The following VPS35L variants were observed in gnomAD, a reference collection of about 807,000 sequenced individuals.
The protein encoded by VPS35L is VPS35 endosomal protein sorting factor like, also known as VPS35 endosomal protein-sorting factor-like.
VPS35L carries 83 observed loss-of-function variants against 133.0 expected under a neutral mutation model. The ratio of observed to expected loss-of-function variants is 0.62; its 90% confidence interval spans 0.52 to 0.75. VPS35L has a LOEUF of 0.75. Among genes scored for constraint, VPS35L ranks in the 30% least tolerant of loss-of-function variants. The pLI is 0.00. For missense variants in VPS35L, 1,083 were observed against 1,206.8 expected (o/e 0.90, Z 1.52); for synonymous variants, 423 against 449.9 (o/e 0.94, Z 0.76).
At chr16:19,656,731 T>A (rs928390811) in intron 26 of VPS35L, among the ~76,000 whole-genome samples, 8 of 152,030 alleles carry the variant, frequency 5.3e-5, no homozygotes, top group African/African-American at 1.9e-4. Flanking sequence ...TCTCAAATGA[T>A]GAAAGTATGC....
intron 6 of VPS35L, among the ~76,000 whole-genome samples, chr16:19,581,003 T>G (rs1325016920): frequency 6.6e-6 from 1 of 152,132 alleles, no homozygotes; most frequent in East Asian, 1.9e-4. Context: ...CCCATAGAAT[T>G]GTGTTTTCTC....
chr16:19,608,360 C>A (rs1972602340), intron 10 of VPS35L, 86 bp downstream of exon 10: 2 of 1,012,448 alleles, frequency 2.0e-6, no homozygotes, highest in Non-Finnish European at 3.0e-6. Flanking sequence ...TGATGGGATG[C>A]CCTGACATTC....
chr16:19,643,976 A>G (rs1220492889), intron 22 of VPS35L, among the ~76,000 whole-genome samples: 1 of 152,098 alleles, frequency 6.6e-6, no homozygotes, highest in East Asian at 1.9e-4. Context: ...AAACAAAAAC[A>G]AAAAAGAACG....
At chr16:19,603,827 G>A (rs1307787468) in intron 9 of VPS35L, among the ~76,000 whole-genome samples, 1 of 152,192 alleles carries the variant, frequency 6.6e-6, no homozygotes, top group Admixed American at 6.5e-5. Context: ...CGCCTCCTGG[G>A]TTCAAGCGAT....
At chr16:19,665,885 C>T (rs923992738) in intron 26 of VPS35L, among the ~76,000 whole-genome samples, 8 of 151,984 alleles carry the variant, frequency 5.3e-5, no homozygotes, top group African/African-American at 1.9e-4. Flanking sequence ...AACTGGGGTT[C>T]GATGATATCT....
intron 24 of VPS35L, among the ~76,000 whole-genome samples, chr16:19,649,113 C>T (rs1974046359): frequency 6.6e-6 from 1 of 152,006 alleles, no homozygotes; most frequent in African/African-American, 2.4e-5. Context: ...CTCAGCCTCC[C>T]GAGTAGCTAT....
intron 7 of VPS35L, chr16:19,581,962 T>A: frequency 3.6e-6 from 1 of 278,726 alleles, no homozygotes; most frequent in Non-Finnish European, 6.7e-6. Context: ...GTGCAACCCC[T>A]GACACATTTA....
intron 24 of VPS35L, among the ~76,000 whole-genome samples, chr16:19,648,420 A>G (rs1476215273): frequency 6.6e-6 from 1 of 152,184 alleles, no homozygotes; most frequent in African/African-American, 2.4e-5. Flanking sequence ...AACAGAGGTA[A>G]GTGATTTACA....
At chr16:19,659,827 G>A (rs1974421046) in intron 26 of VPS35L, among the ~76,000 whole-genome samples, 1 of 152,188 alleles carries the variant, frequency 6.6e-6, no homozygotes, top group Non-Finnish European at 1.5e-5. Flanking sequence ...TGCATTTTAT[G>A]TGGTAGTTTC....
chr16:19,624,682 G>C (rs1973205419), intron 14 of VPS35L, among the ~76,000 whole-genome samples: 1 of 152,136 alleles, frequency 6.6e-6, no homozygotes, highest in African/African-American at 2.4e-5. Flanking sequence ...CTGGGCTCAA[G>C]CGAGCTTCCC....
In VPS35L at chr16:19,626,202, G is replaced by A. The variant is rs780826333; in HGVS notation, c.1250G>A (p.Arg417Lys). Residue 417 changes from arginine (R) to lysine (K), a missense_variant, in exon 15 of 31, where the codon AGG (arginine) becomes AAG (lysine). Coordinates refer to ENST00000417362, the MANE Select transcript of VPS35L (RefSeq NM_020314.7). ...GCTCTGCTGACCGAGATGATGGAAA[G>A]GTGTAAGAAACTAGGAAACAAGTAA... ...PEALLTEMME[R>K]CKKLGNNALL... 2 of 1,599,760 alleles carry A rather than the reference G, an allele frequency of 1.3e-6. No homozygotes were observed. The highest frequency in any genetic ancestry group is 1.7e-5 in the Admixed American group (1 of 57,446).
chr16:19,586,419 A>C (rs952649380), intron 7 of VPS35L, among the ~76,000 whole-genome samples: 2 of 152,144 alleles, frequency 1.3e-5, no homozygotes, highest in African/African-American at 4.8e-5. Flanking sequence ...AGCTCACTGC[A>C]ACCTCCGCTT....
intron 29 of VPS35L, among the ~76,000 whole-genome samples, chr16:19,692,171 C>T (rs567482010): frequency 8.5e-5 from 13 of 152,072 alleles, no homozygotes; most frequent in South Asian, 2.1e-4. Flanking sequence ...CCACTGCACC[C>T]GGCCTGGACC....
intron 14 of VPS35L, among the ~76,000 whole-genome samples, chr16:19,618,347 C>T (rs1972965491): frequency 2.0e-5 from 3 of 152,194 alleles, no homozygotes; most frequent in East Asian, 1.9e-4. Flanking sequence ...ATTATAAACA[C>T]ACACAGAGAT....
chr16:19,696,573 T>C (rs1975920382), intron 29 of VPS35L, among the ~76,000 whole-genome samples: 1 of 151,988 alleles, frequency 6.6e-6, no homozygotes, highest in Non-Finnish European at 1.5e-5. Flanking sequence ...AGCAGCTCTT[T>C]TCTATTTAAA....
chr16:19,557,817 G>A (rs1226316755), intron 1 of VPS35L, among the ~76,000 whole-genome samples: 3 of 152,020 alleles, frequency 2.0e-5, no homozygotes, highest in South Asian at 4.1e-4. Context: ...TTGGGAGGCC[G>A]AGGCAGGCGG....
Position 19,627,718 on chromosome 16 carries a change from G to T in VPS35L, c.1296G>T (p.Met432Ile). The stretch of plus-strand genomic sequence containing the variant: ...GTGCCTTGCTGTTGAATTCTGTGAT[G>T]TCTGCCTTCCGGGCTGAGTTCATCG... ...GNNALLLNSV[M>I]SAFRAEFIAT... Residue 432 changes from methionine (M) to isoleucine (I), a missense_variant, in exon 16 of 31, where the codon ATG becomes ATT. By Grantham distance (10) the Met-to-Ile change is conservative. Coordinates refer to ENST00000417362, the MANE Select transcript of VPS35L (RefSeq NM_020314.7). 1 of 1,613,918 alleles carries T rather than the reference G, an allele frequency of 6.2e-7. No individual in the cohort carries two copies. Among genetic ancestry groups the T allele is most frequent in the Non-Finnish European group, 8.5e-7 (1 of 1,179,806 alleles).
intron 7 of VPS35L, among the ~76,000 whole-genome samples, chr16:19,584,443 A>G (rs180725925): frequency 4.7e-4 from 72 of 152,184 alleles, no homozygotes; most frequent in African/African-American, 1.7e-3. Context: ...CCTGGCCAAC[A>G]TGGTAAAACC....
At chr16:19,619,618 G>A (rs113675364) in intron 14 of VPS35L, among the ~76,000 whole-genome samples, 108 of 152,110 alleles carry the variant, frequency 7.1e-4, no homozygotes, top group African/African-American at 2.5e-3. Context: ...AATGTCACAA[G>A]GCAGTCTTCT....
Sources: allele counts gnomAD v4.1 joint callset (sites outside exome capture counted in the v4.1 genomes callset), GRCh38; gene constraint gnomAD v4.1.1; transcripts MANE v1.5; gene names NCBI Gene and HGNC (gene_info 2026-07-23, HGNC 2026-07-21).